Variants in INTS7 observed in about 807,000 individuals in gnomAD.
The protein encoded by INTS7 is integrator complex subunit 7, also known as chromosome 1 open reading frame 73.
INTS7 carries 46 observed loss-of-function variants against 109.2 expected under a neutral mutation model. That is an observed-to-expected ratio of 0.42 (90% CI 0.33 to 0.54). The LOEUF is 0.54. Among genes scored for constraint, INTS7 ranks in the 20% least tolerant of loss-of-function variants. INTS7 has a pLI of 0.07. For synonymous variants in INTS7, 412 were observed against 402.9 expected (o/e 1.02, Z -0.27); for missense variants, 929 against 1,132.4 (o/e 0.82, Z 2.58).
chr1:211,993,939 C>T (rs1014529121), intron 7 of INTS7, among the ~76,000 whole-genome samples: 4 of 152,046 alleles, frequency 2.6e-5, no homozygotes, highest in African/African-American at 4.8e-5. Context: ...TCATTTAAAC[C>T]TGAAATATCT....
chr1:211,949,866 T>G (rs1446816592), intron 17 of INTS7, among the ~76,000 whole-genome samples: 2 of 152,200 alleles, frequency 1.3e-5, no homozygotes, highest in Non-Finnish European at 2.9e-5. Flanking sequence ...TAACAAACTG[T>G]TCCTAGAAGA....
intron 1 of INTS7, among the ~76,000 whole-genome samples, chr1:212,032,104 A>C (rs1667191592): frequency 6.6e-6 from 1 of 152,004 alleles, no homozygotes; most frequent in Non-Finnish European, 1.5e-5. Context: ...CATACCAAAA[A>C]CCTCTAAGTT....
At chr1:212,017,972 C>T (rs1034533266) in intron 3 of INTS7, among the ~76,000 whole-genome samples, 1 of 152,106 alleles carries the variant, frequency 6.6e-6, no homozygotes, top group Non-Finnish European at 1.5e-5. Flanking sequence ...ATCTATTATA[C>T]CAGAAAAGAT....
chr1:211,987,940 G>C lies in INTS7; in HGVS notation c.943C>G (p.Leu315Val). 1.2e-6 allele frequency: 2 copies of C among 1,612,970 alleles called. No individual in the cohort carries two copies. Among genetic ancestry groups the C allele is most frequent in the African/African-American group, 1.3e-5 (1 of 74,986 alleles). Residue 315 changes from leucine (L) to valine (V), a missense_variant, in exon 8 of 20, where the codon CTT becomes GTT. Leu to Val is a conservative substitution (Grantham distance 32, BLOSUM62 1). Around this residue, in one of 2 missense-constraint regions of INTS7, gnomAD observed 787 missense variants for 901.1 expected, o/e 0.87. Coordinates refer to ENST00000366994, the MANE Select transcript of INTS7 (RefSeq NM_015434.4). Reference protein sequence around the residue: ...DSLKLGMLSVLSTLSGTIAIK... With the variant: ...DSLKLGMLSVVSTLSGTIAIK... ...GCGATGGTCCCTGATAGTGTGGAAA[G>C]GACAGACAACATCCCTAGTTTTAAG...
At chr1:211,988,690 C>T (rs1665011547) in intron 7 of INTS7, among the ~76,000 whole-genome samples, 2 of 152,028 alleles carry the variant, frequency 1.3e-5, no homozygotes, top group South Asian at 4.1e-4. Flanking sequence ...ACTATCGTCT[C>T]GATTTTTCTG....
intron 7 of INTS7, among the ~76,000 whole-genome samples, chr1:211,988,691 G>C (rs558955796): frequency 6.6e-6 from 1 of 152,186 alleles, no homozygotes; most frequent in African/African-American, 2.4e-5. Flanking sequence ...CTATCGTCTC[G>C]ATTTTTCTGT....
intron 4 of INTS7, among the ~76,000 whole-genome samples, chr1:212,014,707 C>T (rs1023329769): frequency 4.2e-4 from 57 of 135,012 alleles, no homozygotes; most frequent in Non-Finnish European, 7.7e-4. Context: ...CCACGCCTGA[C>T]TGGTTTTTGT....
chr1:211,961,029 AAT>A (rs996805692), intron 16 of INTS7, among the ~76,000 whole-genome samples: 8 of 152,018 alleles, frequency 5.3e-5, no homozygotes, highest in African/African-American at 1.9e-4. Flanking sequence ...AAGAAAAAAA[AAT>A]AGAGAAAAAA....
rs1662866425 is a variant in INTS7 at position 211,946,749 on chromosome 1, A to G, written c.2317-44T>C. 2.2e-6 allele frequency: 3 copies of G among 1,387,084 alleles called. No individual in the cohort carries two copies. The highest frequency in any genetic ancestry group is 3.0e-6 in the Non-Finnish European group (3 of 984,786). The allele number at this position is 1,387,084 out of a possible 1,614,324, so 85.9% of individuals were successfully genotyped here. The stretch of plus-strand genomic sequence containing the variant: ...TAAATCAAATAAAAATAAATTTTCA[A>G]ATTTCATCAACAAGTGGTACATTCA... On this transcript the variant is annotated intron_variant, in intron 17 of 19. Transcript: ENST00000366994. This position sits in a 1 kb window ranked among gnomAD's most constrained non-coding sequence, Gnocchi z 4.3.
chr1:211,990,860 A>G (rs1403181297), intron 7 of INTS7, among the ~76,000 whole-genome samples: 1 of 152,152 alleles, frequency 6.6e-6, no homozygotes. Flanking sequence ...ATGAAAAAGG[A>G]AAAAAAGAAG....
At chr1:211,944,995 G>A (rs1343528901) in intron 18 of INTS7, 26 bp from the exon 19 acceptor site, 11 of 1,607,768 alleles carry the variant, frequency 6.8e-6, no homozygotes, top group Non-Finnish European at 9.4e-6. Flanking sequence ...TCAAATAAAT[G>A]CCAACAACCA....
Position 211,946,940 on chromosome 1 carries a change from CCA to C in INTS7, c.2317-237_2317-236del, listed in dbSNP as rs754755049. On this transcript the variant is annotated intron_variant, in intron 17 of 19. Coordinates refer to ENST00000366994, the MANE Select transcript of INTS7 (RefSeq NM_015434.4). The surrounding 1 kb of genome is among the most constrained non-coding windows in gnomAD (Gnocchi z 4.3). ...ATATAAGTGACAGAAATGAGAAAAT[CCA>C]CAGTCCTCGAGGCCAAGCAATAGGC... Among the ~76,000 whole-genome samples, 13 of 151,630 alleles carry C rather than the reference CCA, an allele frequency of 8.6e-5. No homozygotes were observed. Among genetic ancestry groups the C allele is most frequent in the Non-Finnish European group, 1.3e-4 (9 of 67,934 alleles).
Position 211,981,108 on chromosome 1 carries a change from A to C in INTS7, c.1215T>G (p.Ala405=), listed in dbSNP as rs768594038. 6.2e-7 allele frequency: 1 copy of C among 1,611,014 alleles called. No individual in the cohort carries two copies. The highest frequency in any genetic ancestry group is 8.5e-7 in the Non-Finnish European group (1 of 1,177,390). ...AAGTTTTCACCTTTAAAGTGGCCTG[A>C]GCACCTGGACTATCATCTTGACTAC... The part of the protein sequence containing the change: ...VLCSQDDSPG[A]QATLKIALNC... Residue 405 remains alanine, a synonymous_variant, in exon 10 of 20, where the codon GCT becomes GCG. Coordinates refer to ENST00000366994, the MANE Select transcript of INTS7 (RefSeq NM_015434.4).
chr1:211,972,053 GC>G (rs2102415051), intron 13 of INTS7, among the ~76,000 whole-genome samples: 1 of 152,124 alleles, frequency 6.6e-6, no homozygotes, highest in Non-Finnish European at 1.5e-5. Flanking sequence ...ATGTGGAGGT[GC>G]ACATAAGAAT....
At chr1:212,020,706 G>A in intron 2 of INTS7, 1 of 1,006,944 alleles carries the variant, frequency 9.9e-7, no homozygotes, top group Non-Finnish European at 1.2e-6. Flanking sequence ...AAATAGGCAT[G>A]TATTCAGTGC....
Position 211,944,818 on chromosome 1 carries a change from G to A in INTS7, c.2567C>T (p.Ser856Phe), listed in dbSNP as rs1486959181. The A allele has an allele frequency of 1.9e-6, 3 of 1,614,150 alleles. No homozygotes were observed. The highest frequency in any genetic ancestry group is 2.2e-5 in the South Asian group (2 of 91,090). Residue 856 changes from serine (S) to phenylalanine (F), a missense_variant, in exon 19 of 20, where the codon TCC (serine) becomes TTC (phenylalanine). Physicochemically the swap from Ser to Phe is radical, Grantham distance 155. Transcript: ENST00000366994. ...KIQSVCLNVSSTLQSKSGQDY... is the reference protein window; with the variant it reads ...KIQSVCLNVSFTLQSKSGQDY... ...TTGTCCAGATTTACTCTGCAGTGTG[G>A]AAGAAACATTCAGACAGACAGACTG...
intron 4 of INTS7, among the ~76,000 whole-genome samples, chr1:212,014,781 G>A (rs1329947775): frequency 6.6e-6 from 1 of 152,212 alleles, no homozygotes; most frequent in Non-Finnish European, 1.5e-5. Context: ...CTGACCGCGA[G>A]TGATCTGCCC....
At chr1:212,029,885 A>G (rs1343430453) in intron 1 of INTS7, among the ~76,000 whole-genome samples, 1 of 152,234 alleles carries the variant, frequency 6.6e-6, no homozygotes, top group Non-Finnish European at 1.5e-5. Flanking sequence ...GGCAAAGCCC[A>G]TTTTTATATT....
In INTS7 at chr1:211,966,509, G is replaced by A; in HGVS notation, c.2115-11C>T. ...CAGCTCTGCTGCTGTCTGGATTGAT[G>A]TTAAGGTTACATACGAAAATAGAGA... On this transcript the variant is annotated splice_polypyrimidine_tract_variant and intron_variant, in intron 15 of 19. Coordinates refer to ENST00000366994, the MANE Select transcript of INTS7 (RefSeq NM_015434.4). 6.3e-7 allele frequency: 1 copy of A among 1,582,262 alleles called. No homozygotes were observed. The highest frequency in any genetic ancestry group is 8.6e-7 in the Non-Finnish European group (1 of 1,156,594).
Sources: allele counts gnomAD v4.1 joint callset (sites outside exome capture counted in the v4.1 genomes callset), GRCh38; gene constraint gnomAD v4.1.1; regional missense constraint gnomAD v4.1.1; non-coding constraint Gnocchi (gnomAD v3.1); transcripts MANE v1.5; gene names NCBI Gene and HGNC (gene_info 2026-07-23, HGNC 2026-07-21).